The following GABRA2 variants were observed in gnomAD, a reference collection of about 807,000 sequenced individuals.
The protein encoded by GABRA2 is gamma-aminobutyric acid type A receptor subunit alpha2.
In GABRA2, 16 loss-of-function variants were observed where a neutral mutation model predicts 48.7. The ratio of observed to expected loss-of-function variants is 0.33; its 90% CI spans 0.22 to 0.50. The LOEUF is 0.50. GABRA2 is among the 20% of genes least tolerant of loss of function. The pLI, the probability that GABRA2 is intolerant of heterozygous loss-of-function variation, is 0.98. For synonymous variants in GABRA2, 185 were observed against 184.5 expected, an observed-to-expected ratio of 1.00 and a Z score of -0.02; for missense variants, 275 against 535.6, an observed-to-expected ratio of 0.51 and a Z score of 4.80.
At chr4:46,356,850 C>T (rs1560572775) in intron 3 of GABRA2, among the ~76,000 whole-genome samples, 1 of 152,150 alleles carries the variant, frequency 6.6e-6, no homozygotes, top group Admixed American at 6.5e-5. Flanking sequence ...ATAAATACCT[C>T]TCCTGAGGGA....
At chr4:46,345,795 G>C (rs1023496193) in intron 3 of GABRA2, among the ~76,000 whole-genome samples, 1 of 151,864 alleles carries the variant, frequency 6.6e-6, no homozygotes, top group African/African-American at 2.4e-5. Flanking sequence ...CCCTAAGAAG[G>C]AAAAATGACA....
chr4:46,320,972 A>G (rs1040164254), intron 4 of GABRA2, among the ~76,000 whole-genome samples: 6 of 152,136 alleles, frequency 3.9e-5, no homozygotes, highest in Non-Finnish European at 8.8e-5. Flanking sequence ...ATACAAAAAC[A>G]ATCTAAGTGT....
At chr4:46,291,760 T>C (rs1723670312) in intron 8 of GABRA2, among the ~76,000 whole-genome samples, 1 of 145,102 alleles carries the variant, frequency 6.9e-6, no homozygotes, top group Non-Finnish European at 1.5e-5. Context: ...GAGTTAATAC[T>C]ATTAATAAAC....
intron 3 of GABRA2, chr4:46,365,797 C>T (rs572546106): frequency 6.6e-6 from 1 of 152,148 alleles, no homozygotes; most frequent in Non-Finnish European, 1.5e-5. Flanking sequence ...TATATTGTGT[C>T]TCATAAGATG....
Position 46,303,456 on chromosome 4 carries a change from T to C in GABRA2, c.856+4A>G. ...GCTGTACTGCAAAGTGTGTATTCACTCACCAAACACAGTTCTTGCAGGCAC... is the reference window on the plus strand; with the variant it reads ...GCTGTACTGCAAAGTGTGTATTCACCCACCAAACACAGTTCTTGCAGGCAC... On this transcript the variant is annotated splice_donor_region_variant and intron_variant, in intron 8 of 9. Transcript: ENST00000381620. The C allele has an allele frequency of 6.2e-7, 1 of 1,613,198 alleles. No individual in the cohort carries two copies.
chr4:46,377,676 C>A (rs1339860306), intron 3 of GABRA2, among the ~76,000 whole-genome samples: 1 of 146,976 alleles, frequency 6.8e-6, no homozygotes, highest in African/African-American at 2.5e-5. Flanking sequence ...GCCGCCCCTA[C>A]TGGGAAGTGA....
intron 5 of GABRA2, among the ~76,000 whole-genome samples, chr4:46,311,483 CATA>C (rs1727635202): frequency 6.6e-6 from 1 of 152,128 alleles, no homozygotes; most frequent in South Asian, 2.1e-4. Flanking sequence ...TTAGATTCCA[CATA>C]ATCTTACTAG....
At chr4:46,374,149 C>G (rs1185767786) in intron 3 of GABRA2, among the ~76,000 whole-genome samples, 1 of 152,028 alleles carries the variant, frequency 6.6e-6, no homozygotes, top group Non-Finnish European at 1.5e-5. Context: ...TGTAATGAAC[C>G]TTAAAAAATG....
At chr4:46,376,423 G>GA (rs951073309) in intron 3 of GABRA2, among the ~76,000 whole-genome samples, 2 of 152,116 alleles carry the variant, frequency 1.3e-5, no homozygotes, top group Non-Finnish European at 2.9e-5. Flanking sequence ...GTGCTACAGG[G>GA]AAAAAATACA....
rs571384373 is a variant in GABRA2, at chr4:46,306,875, A to C, written c.560-1164T>G. On this transcript the variant is annotated intron_variant, in intron 6 of 9. Transcript: ENST00000381620. ...GTGATCGCAAATCAATTTCCACTCA[A>C]CCATCAGTAACAATAGAGTAAATGA... Among the ~76,000 whole-genome samples, 4 of 152,166 alleles carry C rather than the reference A, an allele frequency of 2.6e-5. No homozygotes were observed. The East Asian group carries it at 5.8e-4, about 22-fold the overall frequency.
At chr4:46,384,797 G>C (rs1717224879) in intron 3 of GABRA2, among the ~76,000 whole-genome samples, 1 of 151,924 alleles carries the variant, frequency 6.6e-6, no homozygotes, top group Non-Finnish European at 1.5e-5. Flanking sequence ...TTATGTTCGT[G>C]CTTGTTAGGC....
chr4:46,258,642 A>G (rs905338584), intron 9 of GABRA2, among the ~76,000 whole-genome samples: 1 of 151,806 alleles, frequency 6.6e-6, no homozygotes, highest in African/African-American at 2.4e-5. Flanking sequence ...AGAATCAAAA[A>G]ACAGAAAATG....
At chr4:46,380,739 T>C (rs1716650215) in intron 3 of GABRA2, among the ~76,000 whole-genome samples, 1 of 152,206 alleles carries the variant, frequency 6.6e-6, no homozygotes, top group African/African-American at 2.4e-5. Context: ...CAATGCTCTT[T>C]TGAGGTCAGA....
intron 3 of GABRA2, among the ~76,000 whole-genome samples, chr4:46,373,587 T>C (rs1002486018): frequency 5.3e-5 from 8 of 152,192 alleles, no homozygotes; most frequent in Non-Finnish European, 8.8e-5. Flanking sequence ...GTTAGTTATC[T>C]CTGATCCTGC....
At chr4:46,331,320 C>T (rs1056004243) in intron 4 of GABRA2, among the ~76,000 whole-genome samples, 1 of 152,086 alleles carries the variant, frequency 6.6e-6, no homozygotes, top group African/African-American at 2.4e-5. Flanking sequence ...TTTCAGCCAC[C>T]CAGGTCAAGA....
chr4:46,273,045 AGC>A (rs759198785), intron 8 of GABRA2, among the ~76,000 whole-genome samples: 18 of 120,410 alleles, frequency 1.5e-4, no homozygotes, highest in Non-Finnish European at 2.4e-4. Context: ...TTCCTCCCCT[AGC>A]CCCCCACCCC....
Position 46,386,103 on chromosome 4 carries a change from TAAC to T in GABRA2, c.155_157del (p.Gly52_Tyr53delinsAsp). 6.2e-7 allele frequency: 1 copy of T among 1,611,392 alleles called. No homozygotes were observed. The highest frequency in any genetic ancestry group is 8.5e-7 in the Non-Finnish European group (1 of 1,178,508). ...CAGTCCTGGTCTAAGCCGATTATCGTAACCATCCAGAAGTCTGTCAAGAATTCT... is the reference window on the plus strand; with the variant it reads ...CAGTCCTGGTCTAAGCCGATTATCGTCATCCAGAAGTCTGTCAAGAATTCT... On this transcript the variant is annotated inframe_deletion, in exon 3 of 10. Transcript: ENST00000381620.
intron 4 of GABRA2, 37 bp downstream of exon 4, chr4:46,332,578 T>C: frequency 8.5e-7 from 1 of 1,177,264 alleles, no homozygotes; most frequent in Middle Eastern, 2.0e-4. Flanking sequence ...CACTCCCCAT[T>C]ATGTGAAGTA....
intron 8 of GABRA2, among the ~76,000 whole-genome samples, chr4:46,285,939 T>A (rs913506730): frequency 2.0e-5 from 3 of 152,136 alleles, no homozygotes; most frequent in African/African-American, 7.2e-5. Flanking sequence ...AGCTCATGAA[T>A]TTTAAAAATT....
Sources: gnomAD v4.1 joint callset for allele counts (sites outside exome capture counted in the v4.1 genomes callset) on GRCh38, gnomAD v4.1.1 for gene constraint, MANE v1.5 for transcripts, NCBI Gene and HGNC (gene_info 2026-07-23, HGNC 2026-07-21) for gene names.